Variants in MYT1L observed in about 807,000 individuals in gnomAD.
The protein encoded by MYT1L is myelin transcription factor 1 like, also known as myelin transcription factor 1-like protein.
Under a neutral mutation model 126.7 loss-of-function variants are expected in MYT1L, and 12 were observed. That is an observed-to-expected ratio of 0.09 (90% confidence interval 0.06 to 0.15). The LOEUF is 0.15. MYT1L is among the 10% of genes least tolerant of loss of function. MYT1L has a pLI of 1.00. For synonymous variants in MYT1L, 541 were observed against 604.2 expected (o/e 0.90, Z 1.53); for missense variants, 979 against 1,585.2 (o/e 0.62, Z 6.49).
At chr2:1,866,679 G>A (rs2045570364) in intron 18 of MYT1L, among the ~76,000 whole-genome samples, 1 of 111,960 alleles carries the variant, frequency 8.9e-6, no homozygotes, top group Non-Finnish European at 1.9e-5. Flanking sequence ...GAGGGAGAGA[G>A]AGAGGCAGAG....
intron 4 of MYT1L, among the ~76,000 whole-genome samples, chr2:2,004,831 TGTTCTTTCCTGCATGCGC>T: frequency 7.5e-6 from 1 of 133,352 alleles, no homozygotes; most frequent in Middle Eastern, 5.6e-3. Flanking sequence ...TTCCTGCATG[TGTTCTTTCCTGCATGCGC>T]TCTTTCCTGC....
intron 4 of MYT1L, among the ~76,000 whole-genome samples, chr2:2,037,309 C>G (rs948712093): frequency 1.3e-5 from 2 of 152,220 alleles, no homozygotes; most frequent in Non-Finnish European, 2.9e-5. Flanking sequence ...CATTGAATCT[C>G]TATCACCCAG....
intron 3 of MYT1L, among the ~76,000 whole-genome samples, chr2:2,097,400 C>G (rs1357792846): frequency 1.3e-5 from 2 of 152,172 alleles, no homozygotes; most frequent in Non-Finnish European, 2.9e-5. Context: ...CATTTAACTC[C>G]TTTAGTTTCC....
At chr2:2,027,630 A>C (rs552263810) in intron 4 of MYT1L, among the ~76,000 whole-genome samples, 2 of 152,372 alleles carry the variant, frequency 1.3e-5, no homozygotes, top group Non-Finnish European at 2.9e-5. Context: ...GAAAAGATGC[A>C]ATATAATGAC....
At chr2:2,147,546 T>G (rs76197190) in intron 3 of MYT1L, among the ~76,000 whole-genome samples, 5,560 of 152,344 alleles carry the variant, frequency 0.036, 131 homozygotes, top group South Asian at 0.089. Flanking sequence ...CACAGCTGAC[T>G]GTCTGTTCAG....
At position 1,903,738 on chromosome 2, in the gene MYT1L, T is replaced by C. The variant is rs560364519; in HGVS notation, c.1818-444A>G. Among the ~76,000 whole-genome samples, 93 of 152,316 alleles carry C rather than the reference T, an allele frequency of 6.1e-4. 1 individual carries two copies. Among genetic ancestry groups the C allele is most frequent in the African/African-American group, 2.2e-3 (90 of 41,568 alleles). The stretch of plus-strand genomic sequence containing the variant: ...AGGTAAAGAAATACTCTTAGGGACA[T>C]AGACTGAGACAGAACCAGATCAAAA... On this transcript the variant is annotated intron_variant, in intron 13 of 24. Transcript: ENST00000647738.
At chr2:2,246,280 G>T (rs891129718) in intron 2 of MYT1L, among the ~76,000 whole-genome samples, 1 of 152,190 alleles carries the variant, frequency 6.6e-6, no homozygotes, top group Non-Finnish European at 1.5e-5. Context: ...TGCCACAAAA[G>T]AGTCAGGTTA....
intron 3 of MYT1L, among the ~76,000 whole-genome samples, chr2:2,159,001 G>C (rs184488426): frequency 1.4e-4 from 21 of 152,302 alleles, no homozygotes. Flanking sequence ...TGCAGCACTT[G>C]TAGGAGAAGA....
At chr2:2,079,687 G>T (rs2075609859) in intron 3 of MYT1L, among the ~76,000 whole-genome samples, 1 of 151,974 alleles carries the variant, frequency 6.6e-6, no homozygotes, top group Non-Finnish European at 1.5e-5. Flanking sequence ...GGCGCCTGTA[G>T]TCCCAGCTAC....
At chr2:1,990,739 T>C (rs965199602) in intron 5 of MYT1L, among the ~76,000 whole-genome samples, 1 of 152,182 alleles carries the variant, frequency 6.6e-6, no homozygotes, top group African/African-American at 2.4e-5. Context: ...CAGTTCTGTG[T>C]GGACTGCCAG....
rs1238428351 is a variant in MYT1L at position 1,809,076 on chromosome 2, C to T, written c.3172G>A (p.Gly1058Ser). ...MLTIKQRASNGIENDEEIKQL... is the reference protein window; with the variant it reads ...MLTIKQRASNSIENDEEIKQL... ...CCACGAGGGCTGGAGGGGTGCTCAC[C>T]GTTGCTGGCCCGCTGTTTGATGGTC... The change falls in exon 22 of 25, where the codon GGT becomes AGT. Residue 1058 changes from glycine to serine, a missense_variant and splice_region_variant. Gly to Ser is a moderately conservative substitution (Grantham distance 56). Transcript: ENST00000647738. 1.9e-6 allele frequency: 3 copies of T among 1,613,764 alleles called. No homozygotes were observed. The highest frequency in any genetic ancestry group is 1.3e-5 in the African/African-American group (1 of 74,930).
chr2:1,989,706 T>TA (rs1215576316), intron 5 of MYT1L, among the ~76,000 whole-genome samples: 3 of 144,090 alleles, frequency 2.1e-5, no homozygotes, highest in East Asian at 1.9e-4. Flanking sequence ...TCAAAAAACT[T>TA]AGACTAGGGG....
chr2:2,212,862 C>A (rs1398653042), intron 2 of MYT1L, among the ~76,000 whole-genome samples: 1 of 152,194 alleles, frequency 6.6e-6, no homozygotes, highest in African/African-American at 2.4e-5. Flanking sequence ...TCAACCTTGA[C>A]ACAGCAACGG....
intron 3 of MYT1L, among the ~76,000 whole-genome samples, chr2:2,100,545 C>G (rs1463438316): frequency 6.6e-6 from 1 of 152,140 alleles, no homozygotes; most frequent in African/African-American, 2.4e-5. Flanking sequence ...AAATAACACT[C>G]AAACCCACTG....
At chr2:2,194,565 C>A (rs1862115) in intron 2 of MYT1L, among the ~76,000 whole-genome samples, 4,093 of 152,086 alleles carry the variant, frequency 0.027, 85 homozygotes, top group Non-Finnish European at 0.042. Flanking sequence ...TGTGTACATG[C>A]CCACTTTGAG....
chr2:1,948,069 T>C (rs1376725168), intron 8 of MYT1L, among the ~76,000 whole-genome samples: 1 of 152,220 alleles, frequency 6.6e-6, no homozygotes, highest in African/African-American at 2.4e-5. Context: ...AAGCTTTACA[T>C]GTTTTAAATT....
Position 1,903,174 on chromosome 2 carries a change from A to G in MYT1L, c.1938T>C (p.Phe646=). ...KELEKYSKTS[F]EYNSYDNHTY... ...TATGGTTGTCGTAACTGTTGTATTC[A>G]AACGAGGTCTTGGAATATTTCTCGA... is the stretch of plus-strand genomic sequence containing the variant. The change falls in exon 14 of 25, where the codon TTT becomes TTC. Residue 646 remains phenylalanine (F), a synonymous_variant. Coordinates refer to ENST00000647738, the MANE Select transcript of MYT1L (RefSeq NM_001303052.2). 1 of 1,614,010 alleles carries G rather than the reference A, an allele frequency of 6.2e-7. No individual in the cohort carries two copies. Among genetic ancestry groups the G allele is most frequent in the East Asian group, 2.2e-5 (1 of 44,876 alleles).
In MYT1L at chr2:1,956,441, C is replaced by CTACCTAT. The variant is rs1573965981; in HGVS notation, c.153-13108_153-13107insATAGGTA. Reference sequence around the variant, plus strand: ...ATCTATCTATCTATCTATCTATCTACCTATCATCTATCTATCCTATTCTAT... The same window carrying CTACCTAT: ...ATCTATCTATCTATCTATCTATCTACTACCTATCTATCATCTATCTATCCTATTCTAT... On this transcript the variant is annotated intron_variant, in intron 8 of 24. Coordinates refer to ENST00000647738, the MANE Select transcript of MYT1L (RefSeq NM_001303052.2). 8.3e-3 allele frequency among the ~76,000 whole-genome samples: 302 copies of CTACCTAT among 36,358 alleles called. 34 individuals carry two copies. The highest frequency in any genetic ancestry group is 0.034 in the East Asian group (23 of 684). 23.9% of individuals were successfully genotyped at this position (36,358 alleles called of 152,430 possible).
At chr2:2,103,237 A>C (rs896740963) in intron 3 of MYT1L, among the ~76,000 whole-genome samples, 2 of 152,212 alleles carry the variant, frequency 1.3e-5, no homozygotes, top group African/African-American at 4.8e-5. Flanking sequence ...TGGCCTCTAC[A>C]TGGGCCCAAA....
Sources: allele counts gnomAD v4.1 joint callset (sites outside exome capture counted in the v4.1 genomes callset), GRCh38; gene constraint gnomAD v4.1.1; transcripts MANE v1.5; gene names NCBI Gene and HGNC (gene_info 2026-07-23, HGNC 2026-07-21).